The following MDGA2 variants were observed in gnomAD, a reference collection of about 807,000 sequenced individuals.
MDGA2 encodes MAM domain containing glycosylphosphatidylinositol anchor 2, also known as MAM domain-containing glycosylphosphatidylinositol anchor protein 2.
A neutral mutation model predicts 117.8 loss-of-function variants in MDGA2; 40 were observed. The ratio of observed to expected loss-of-function variants is 0.34; its 90% CI spans 0.26 to 0.44. MDGA2 has a LOEUF of 0.44. MDGA2 is among the 20% of genes least tolerant of loss of function. The pLI is 1.00. For synonymous variants in MDGA2, 452 were observed against 439.0 expected (o/e 1.03, Z -0.37); for missense variants, 1,123 against 1,250.6 (o/e 0.90, Z 1.54).
intron 9 of MDGA2, among the ~76,000 whole-genome samples, chr14:46,929,806 T>C (rs1157326376): frequency 6.7e-6 from 1 of 150,168 alleles, no homozygotes; most frequent in African/African-American, 2.5e-5. Context: ...CCATCTAATT[T>C]TTGTATTTTT....
intron 3 of MDGA2, chr14:47,200,716 C>T: frequency 1.1e-6 from 1 of 918,280 alleles, no homozygotes; most frequent in Non-Finnish European, 1.7e-6. Flanking sequence ...TCCTCTTCTC[C>T]TGCAGGGTGG....
Position 47,533,153 on chromosome 14 carries a change from T to C in MDGA2, c.280+141364A>G, listed in dbSNP as rs76742218. On this transcript the variant is annotated intron_variant, in intron 1 of 16. Coordinates refer to ENST00000399232, the MANE Select transcript of MDGA2 (RefSeq NM_001113498.3). ...TGGTTCTATTGAGTCAGTGGTGTCC[T>C]CAAATCTTCCCACTACACATAGCTT... Among the ~76,000 whole-genome samples the C allele has an allele frequency of 4.6e-3, 699 of 152,332 alleles. 4 individuals carry two copies. Among genetic ancestry groups the C allele is most frequent in the African/African-American group, 0.016 (650 of 41,582 alleles).
At chr14:46,854,067 G>T (rs2138297532) in intron 15 of MDGA2, among the ~76,000 whole-genome samples, 1 of 151,662 alleles carries the variant, frequency 6.6e-6, no homozygotes, top group Admixed American at 6.6e-5. Flanking sequence ...ATCCTGGTTT[G>T]ATTTAGAAGT....
chr14:47,104,593 C>T (rs1410835024), intron 5 of MDGA2, among the ~76,000 whole-genome samples: 11 of 151,002 alleles, frequency 7.3e-5, no homozygotes, highest in Non-Finnish European at 1.3e-4. Flanking sequence ...TTTTCGGACT[C>T]AGCCTGCCTG....
At chr14:47,597,226 T>G (rs1432090417) in intron 1 of MDGA2, among the ~76,000 whole-genome samples, 1 of 152,122 alleles carries the variant, frequency 6.6e-6, no homozygotes, top group Non-Finnish European at 1.5e-5. Flanking sequence ...TTAAAATAAA[T>G]TCAAGATTAT....
intron 8 of MDGA2, among the ~76,000 whole-genome samples, chr14:47,002,322 T>A (rs192763539): frequency 6.6e-6 from 1 of 152,250 alleles, no homozygotes; most frequent in East Asian, 1.9e-4. Context: ...TGTCTTAATT[T>A]TTCTCATAAT....
intron 1 of MDGA2, among the ~76,000 whole-genome samples, chr14:47,466,969 A>G (rs1208827983): frequency 6.6e-6 from 1 of 152,128 alleles, no homozygotes; most frequent in Non-Finnish European, 1.5e-5. Flanking sequence ...AATTACTTCT[A>G]GAAAAAACAA....
At chr14:47,012,918 C>T (rs915437858) in intron 8 of MDGA2, among the ~76,000 whole-genome samples, 6 of 152,064 alleles carry the variant, frequency 3.9e-5, no homozygotes, top group Admixed American at 6.6e-5. Flanking sequence ...AAACAATGTA[C>T]GTGCCTTAAT....
chr14:47,107,012 C>T (rs1176950729), intron 5 of MDGA2, among the ~76,000 whole-genome samples: 1 of 115,886 alleles, frequency 8.6e-6, no homozygotes, highest in Admixed American at 8.7e-5. Flanking sequence ...TATCTCATTG[C>T]CACCCTTCTT....
chr14:46,922,011 C>A (rs1382487197), intron 9 of MDGA2, among the ~76,000 whole-genome samples: 2 of 151,888 alleles, frequency 1.3e-5, no homozygotes, highest in Non-Finnish European at 2.9e-5. Flanking sequence ...TTCTAAGTAG[C>A]CCATTCTTAA....
intron 3 of MDGA2, among the ~76,000 whole-genome samples, chr14:47,153,709 TAA>T (rs201838648): frequency 8.8e-5 from 6 of 68,530 alleles, no homozygotes; most frequent in Non-Finnish European, 1.3e-4. Context: ...AGAAAAGAAA[TAA>T]AAAAAAAAAA....
At chr14:47,198,234 T>C (rs185561831) in intron 3 of MDGA2, among the ~76,000 whole-genome samples, 1 of 152,308 alleles carries the variant, frequency 6.6e-6, no homozygotes, top group Admixed American at 6.5e-5. Context: ...GGTTAGTCTT[T>C]ACTTCTTAAA....
intron 14 of MDGA2, among the ~76,000 whole-genome samples, chr14:46,865,995 C>A (rs1188985444): frequency 2.0e-5 from 3 of 151,192 alleles, no homozygotes; most frequent in Non-Finnish European, 3.0e-5. Flanking sequence ...CAATGCCATC[C>A]CCATCAAGCT....
chr14:46,886,998 T>C (rs1189344890), intron 10 of MDGA2, among the ~76,000 whole-genome samples: 2 of 152,002 alleles, frequency 1.3e-5, no homozygotes, highest in Admixed American at 6.6e-5. Context: ...AAAAATACGA[T>C]CTTTAAAAAG....
At chr14:47,272,176 T>C (rs1457856287) in intron 2 of MDGA2, among the ~76,000 whole-genome samples, 1 of 151,974 alleles carries the variant, frequency 6.6e-6, no homozygotes, top group Non-Finnish European at 1.5e-5. Context: ...AGAGCAATTG[T>C]TAATTTCGTT....
At chr14:47,484,443 GA>G (rs1310863715) in intron 1 of MDGA2, among the ~76,000 whole-genome samples, 1 of 152,156 alleles carries the variant, frequency 6.6e-6, no homozygotes, top group Non-Finnish European at 1.5e-5. Context: ...AAAAGCAGGG[GA>G]AAGATTCATC....
intron 2 of MDGA2, among the ~76,000 whole-genome samples, chr14:47,274,889 C>T (rs1888261369): frequency 6.6e-6 from 1 of 152,020 alleles, no homozygotes; most frequent in Admixed American, 6.6e-5. Context: ...TATTCAGATC[C>T]TTTGCCCATT....
chr14:47,558,446 G>A (rs1341531132), intron 1 of MDGA2, among the ~76,000 whole-genome samples: 3 of 152,082 alleles, frequency 2.0e-5, no homozygotes, highest in Non-Finnish European at 4.4e-5. Context: ...TTTTCTGGGG[G>A]AGTACATTAT....
intron 3 of MDGA2, among the ~76,000 whole-genome samples, chr14:47,179,453 T>C (rs1215077468): frequency 1.3e-5 from 2 of 152,076 alleles, no homozygotes; most frequent in Non-Finnish European, 2.9e-5. Flanking sequence ...GCAAGTAAAC[T>C]ATTATATATT....
Sources: gnomAD v4.1 joint callset for allele counts (sites outside exome capture counted in the v4.1 genomes callset) on GRCh38, gnomAD v4.1.1 for gene constraint, MANE v1.5 for transcripts, NCBI Gene and HGNC (gene_info 2026-07-23, HGNC 2026-07-21) for gene names.